ATG7: variants seen among roughly 807,000 people sequenced by gnomAD.
The protein encoded by ATG7 is autophagy related 7.
ATG7 carries 70 observed loss-of-function variants against 82.4 expected under a neutral mutation model. The observed-to-expected ratio is 0.85, with a 90% CI of 0.70 to 1.04. ATG7 has a LOEUF of 1.04. ATG7 is among the 50% of genes least tolerant of loss of function. The pLI is 0.00. For synonymous variants in ATG7, 287 were observed against 313.0 expected (o/e 0.92, Z 0.88); for missense variants, 792 against 864.3 (o/e 0.92, Z 1.05).
chr3:11,467,664 A>T (rs568966097), intron 20 of ATG7, among the ~76,000 whole-genome samples: 7 of 152,230 alleles, frequency 4.6e-5, no homozygotes, highest in East Asian at 1.9e-4. Context: ...GCGTGAGCCA[A>T]TGCGCCTGGC....
chr3:11,562,208 A>G (rs2073087826), downstream of ATG7, among the ~76,000 whole-genome samples: 1 of 151,946 alleles, frequency 6.6e-6, no homozygotes, highest in Admixed American at 6.6e-5. Flanking sequence ...TCAATGTGCG[A>G]AGCTTAACCC....
At chr3:11,475,030 C>CT (rs541118972) in intron 20 of ATG7, among the ~76,000 whole-genome samples, 9,378 of 144,252 alleles carry the variant, frequency 0.065, 423 homozygotes, top group African/African-American at 0.13. Context: ...AGTGACTTAA[C>CT]TTTTTTTTTT....
chr3:11,378,367 C>G (rs1264032095), intron 18 of ATG7, among the ~76,000 whole-genome samples: 1 of 150,790 alleles, frequency 6.6e-6, no homozygotes. Context: ...TAATGCAATC[C>G]GAGATCAAGT....
At chr3:11,546,005 G>A (rs1173807020) in intron 20 of ATG7, among the ~76,000 whole-genome samples, 3 of 152,082 alleles carry the variant, frequency 2.0e-5, no homozygotes, top group Non-Finnish European at 4.4e-5. Context: ...GGTTGTGGTG[G>A]CATATGCCTG....
intron 19 of ATG7, among the ~76,000 whole-genome samples, chr3:11,386,127 T>A (rs1352416692): frequency 6.6e-6 from 1 of 152,190 alleles, no homozygotes; most frequent in African/African-American, 2.4e-5. Flanking sequence ...CTTGCTGGAC[T>A]GCCAAGTGAC....
At chr3:11,444,300 G>C (rs962927941) in intron 20 of ATG7, among the ~76,000 whole-genome samples, 4 of 152,040 alleles carry the variant, frequency 2.6e-5, no homozygotes, top group African/African-American at 9.7e-5. Context: ...CATTTCTCTG[G>C]GTGTTTCTCA....
At chr3:11,286,996 C>T (rs1944191336) in intron 3 of ATG7, among the ~76,000 whole-genome samples, 1 of 151,712 alleles carries the variant, frequency 6.6e-6, no homozygotes, top group South Asian at 2.1e-4. Flanking sequence ...TGAACTCCTG[C>T]CCCCAAGCAG....
At chr3:11,281,272 A>G (rs1256701448) in intron 2 of ATG7, among the ~76,000 whole-genome samples, 170 bp downstream of exon 2, 1 of 152,234 alleles carries the variant, frequency 6.6e-6, no homozygotes, top group East Asian at 1.9e-4. Context: ...TTTTGTAATG[A>G]CAGTGGCAGA....
intron 20 of ATG7, among the ~76,000 whole-genome samples, chr3:11,457,820 C>T (rs531310808): frequency 1.3e-5 from 2 of 152,226 alleles, no homozygotes; most frequent in South Asian, 2.1e-4. Context: ...GCAGTGGTAG[C>T]GCTTGTGTTG....
chr3:11,298,442 T>A (rs1164699525), intron 3 of ATG7, among the ~76,000 whole-genome samples: 1 of 152,156 alleles, frequency 6.6e-6, no homozygotes, highest in East Asian at 1.9e-4. Context: ...GTTCTGGAGA[T>A]CTGTTTCACA....
intron 2 of ATG7, among the ~76,000 whole-genome samples, 177 bp downstream of exon 2, chr3:11,281,279 C>A (rs749087036): frequency 6.6e-6 from 1 of 152,182 alleles, no homozygotes; most frequent in Non-Finnish European, 1.5e-5. Flanking sequence ...ATGACAGTGG[C>A]AGAGAAGGCT....
chr3:11,321,413 A>G (rs1359658824), intron 9 of ATG7, among the ~76,000 whole-genome samples: 1 of 34,024 alleles, frequency 2.9e-5, no homozygotes, highest in Non-Finnish European at 4.6e-5. Flanking sequence ...CCATGGTCTC[A>G]GTTTTGACCG....
Position 11,555,248 on chromosome 3 carries a change from G to A in ATG7, c.*405G>A, listed in dbSNP as rs958433522. 1.1e-4 allele frequency: 20 copies of A among 189,982 alleles called. No individual in the cohort carries two copies. Among genetic ancestry groups the A allele is most frequent in the Non-Finnish European group, 1.6e-4 (15 of 93,056 alleles). The allele number at this position is 189,982 out of a possible 1,614,324, so 11.8% of individuals were successfully genotyped here. A position where few individuals can be genotyped will look rare whatever the true frequency, so the allele number is the denominator to read the frequency against. On this transcript the variant is annotated 3_prime_UTR_variant, in exon 21 of 21. Transcript: ENST00000693202. ...TGCGGGAGGTGGCACCCTCATCCCCGGAATGTGCTGCCCACCGCACCGCAG... is the reference window on the plus strand; with the variant it reads ...TGCGGGAGGTGGCACCCTCATCCCCAGAATGTGCTGCCCACCGCACCGCAG...
At position 11,319,779 on chromosome 3, in the gene ATG7, T is replaced by C. The variant is rs1270475433; in HGVS notation, c.678+4286T>C. The stretch of plus-strand genomic sequence containing the variant: ...GTCTTCCCCCTACCACCCCTGTGTC[T>C]TGTGGATTTCATGTCCTGAATGTCT... On this transcript the variant is annotated intron_variant, in intron 9 of 20. Transcript: ENST00000693202. Among the ~76,000 whole-genome samples, 7 of 152,016 alleles carry C rather than the reference T, an allele frequency of 4.6e-5. No individual in the cohort carries two copies. The East Asian group carries it at 1.4e-3, about 29-fold the overall frequency.
chr3:11,485,948 T>C (rs1175955872), intron 20 of ATG7, among the ~76,000 whole-genome samples: 4 of 152,172 alleles, frequency 2.6e-5, no homozygotes, highest in African/African-American at 9.7e-5. Context: ...ACTGTAGCCT[T>C]GTAGTATAGT....
chr3:11,568,605 A>G, the ATG7 span: 1 of 1,567,758 alleles, frequency 6.4e-7, no homozygotes, highest in Non-Finnish European at 8.7e-7. This position sits in a 1 kb window ranked among gnomAD's most constrained non-coding sequence, Gnocchi z 5.9. Flanking sequence ...CATTACTCAC[A>G]TTTCCAGCTC....
chr3:11,421,047 G>T (rs1053777052), intron 19 of ATG7, among the ~76,000 whole-genome samples: 2 of 152,074 alleles, frequency 1.3e-5, no homozygotes, highest in African/African-American at 4.8e-5. Flanking sequence ...GAGCCACCAC[G>T]CCTGGCCACA....
chr3:11,559,386 C>G, downstream of ATG7: 1 of 1,557,866 alleles, frequency 6.4e-7, no homozygotes, highest in Non-Finnish European at 8.7e-7. Context: ...CCGCTGTGCG[C>G]GATGGGGCAG....
chr3:11,533,483 C>G (rs1370745654), intron 20 of ATG7, among the ~76,000 whole-genome samples: 1 of 145,134 alleles, frequency 6.9e-6, no homozygotes, highest in Admixed American at 7.1e-5. Flanking sequence ...ACAACATGAA[C>G]TTTGATTTGT....
Sources: gnomAD v4.1 joint callset for allele counts (sites outside exome capture counted in the v4.1 genomes callset) on GRCh38, gnomAD v4.1.1 for gene constraint, Gnocchi (gnomAD v3.1) non-coding constraint, MANE v1.5 for transcripts, NCBI Gene and HGNC (gene_info 2026-07-23, HGNC 2026-07-21) for gene names.